GRHL2: variants seen among roughly 807,000 people sequenced by gnomAD.
GRHL2 encodes grainyhead like transcription factor 2.
Under a neutral mutation model 83.8 loss-of-function variants are expected in GRHL2, and 21 were observed. The ratio of observed to expected loss-of-function variants is 0.25; its 90% confidence interval spans 0.18 to 0.36. The LOEUF (loss-of-function observed/expected upper bound fraction) is 0.36. Ranked by LOEUF, GRHL2 falls within the 10% of genes least tolerant of loss-of-function variation. The pLI is 1.00. For synonymous variants in GRHL2, 280 were observed against 278.9 expected, an observed-to-expected ratio of 1.00 and a Z score of -0.04; for missense variants, 623 against 781.8, an observed-to-expected ratio of 0.80 and a Z score of 2.42.
intron 9 of GRHL2, among the ~76,000 whole-genome samples, chr8:101,627,281 G>C (rs907348463): frequency 4.6e-5 from 7 of 152,132 alleles, no homozygotes; most frequent in African/African-American, 1.7e-4. Context: ...ATGTGTTCTT[G>C]TCTCCGTGTC....
intron 1 of GRHL2, among the ~76,000 whole-genome samples, chr8:101,506,030 A>T (rs1460135008): frequency 6.6e-6 from 1 of 152,242 alleles, no homozygotes; most frequent in Non-Finnish European, 1.5e-5. Flanking sequence ...TTGTCATTGT[A>T]GCAAATAGTT....
rs1013500538 is a variant in GRHL2 at position 101,511,053 on chromosome 8, A to T, written c.20+18264A>T. ...GAGGTGGAGGTTGCAGTGAGTGGAG[A>T]TCGTGCCACTGCACTCCGGCCTGGG... On this transcript the variant is annotated intron_variant, in intron 1 of 15. Transcript: ENST00000646743. 2.0e-5 allele frequency among the ~76,000 whole-genome samples: 3 copies of T among 152,106 alleles called. No individual in the cohort carries two copies. In the South Asian group the frequency reaches 6.2e-4, roughly 32 times the overall value.
chr8:101,636,948 C>A lies in GRHL2; in HGVS notation c.1517+20C>A, dbSNP rs1347016646. 1.2e-6 allele frequency: 2 copies of A among 1,609,424 alleles called. No homozygotes were observed. The highest frequency in any genetic ancestry group is 1.1e-5 in the South Asian group (1 of 91,016). On this transcript the variant is annotated intron_variant, in intron 12 of 15. Coordinates refer to ENST00000646743, the MANE Select transcript of GRHL2 (RefSeq NM_024915.4). The stretch of plus-strand genomic sequence containing the variant: ...AGAAGGGTAAGACACTCAGTTCTTT[C>A]ATTTCAACACTCCAAGTCAGCTCAT...
chr8:101,613,800 C>T (rs1002597018), intron 8 of GRHL2, among the ~76,000 whole-genome samples: 1 of 150,842 alleles, frequency 6.6e-6, no homozygotes, highest in Non-Finnish European at 1.5e-5. Flanking sequence ...TTATGTATAC[C>T]TTGTACCTGT....
chr8:101,644,060 G>A (rs1813458123), intron 12 of GRHL2, 71 bp from the exon 13 acceptor site: 3 of 1,289,296 alleles, frequency 2.3e-6, no homozygotes, highest in African/African-American at 1.5e-5. Flanking sequence ...AGACAGAAAC[G>A]GACACACATG....
At chr8:101,589,852 T>C (rs1241792699) in intron 7 of GRHL2, among the ~76,000 whole-genome samples, 3 of 152,170 alleles carry the variant, frequency 2.0e-5, no homozygotes, top group African/African-American at 7.2e-5. Context: ...GGATTATGTA[T>C]GGAAAGGTGC....
At position 101,586,065 on chromosome 8, in the gene GRHL2, C is replaced by CTTTTTTTTTTTTTTTTTT. The variant is rs67985027; in HGVS notation, c.1003+8554_1003+8571dup. ...TCTTCTTTCCTTCCACCTCATGTTT[C>CTTTTTTTTTTTTTTTTTT]TTTTTTTTTTTTTTTTTTTTTTTTT... On this transcript the variant is annotated intron_variant, in intron 7 of 15. Coordinates refer to ENST00000646743, the MANE Select transcript of GRHL2 (RefSeq NM_024915.4). Among the ~76,000 whole-genome samples, 89 of 94,290 alleles carry CTTTTTTTTTTTTTTTTTT rather than the reference C, an allele frequency of 9.4e-4. 6 individuals are homozygous for CTTTTTTTTTTTTTTTTTT. Among genetic ancestry groups the CTTTTTTTTTTTTTTTTTT allele is most frequent in the African/African-American group, 1.1e-3 (26 of 23,282 alleles). The allele number at this position is 94,290 out of a possible 152,430, so 61.9% of individuals were successfully genotyped here.
the GRHL2 span, among the ~76,000 whole-genome samples, chr8:101,674,821 C>A: frequency 6.6e-6 from 1 of 152,052 alleles, no homozygotes; most frequent in African/African-American, 2.4e-5. Flanking sequence ...AAAATACTGG[C>A]AAAACGAATC....
rs34176940 is a variant in GRHL2, at chr8:101,559,353, CAAAAAAAAAAAAAAA to C, written c.678+554_678+568del. 9.6e-4 allele frequency among the ~76,000 whole-genome samples: 85 copies of C among 88,944 alleles called. 2 individuals carry two copies. Among genetic ancestry groups the C allele is most frequent in the African/African-American group, 2.9e-3 (71 of 24,204 alleles). 58.4% of individuals were successfully genotyped at this position (88,944 alleles called of 152,430 possible). A position where few individuals can be genotyped will look rare whatever the true frequency, so the allele number is the denominator to read the frequency against. ...TGAACTCCTGTCTCTACTAAAAATA[CAAAAAAAAAAAAAAA>C]AAAAAAAAAAAATTAGCCAGGCCTG... On this transcript the variant is annotated intron_variant, in intron 4 of 15. Transcript: ENST00000646743.
At chr8:101,598,862 AG>A (rs1456168622) in intron 7 of GRHL2, among the ~76,000 whole-genome samples, 194 bp from the exon 8 acceptor site, 2 of 152,326 alleles carry the variant, frequency 1.3e-5, no homozygotes, top group East Asian at 3.9e-4. Context: ...CTTTTAATAG[AG>A]GAACACGCTT....
At chr8:101,554,937 A>G (rs1418535793) in intron 3 of GRHL2, among the ~76,000 whole-genome samples, 1 of 152,232 alleles carries the variant, frequency 6.6e-6, no homozygotes, top group Admixed American at 6.5e-5. Context: ...ACAGAGGCAT[A>G]GTTACACATT....
chr8:101,548,436 A>G (rs777793893), intron 2 of GRHL2, among the ~76,000 whole-genome samples: 29 of 152,352 alleles, frequency 1.9e-4, no homozygotes, highest in East Asian at 5.8e-4. Context: ...TTCCAGAGGA[A>G]GCAATGCCTA....
At chr8:101,574,621 T>G (rs1033655960) in intron 6 of GRHL2, among the ~76,000 whole-genome samples, 3 of 152,190 alleles carry the variant, frequency 2.0e-5, no homozygotes, top group African/African-American at 7.2e-5. Context: ...GCACATGGTG[T>G]GCCTACAGCG....
chr8:101,565,730 C>G (rs575531047), intron 4 of GRHL2, among the ~76,000 whole-genome samples: 17 of 152,288 alleles, frequency 1.1e-4, no homozygotes, highest in Non-Finnish European at 2.1e-4. Context: ...AACATAACTG[C>G]AAGAGGGCCG....
intron 1 of GRHL2, among the ~76,000 whole-genome samples, chr8:101,530,128 C>A (rs1810893569): frequency 6.6e-6 from 1 of 152,148 alleles, no homozygotes; most frequent in South Asian, 2.1e-4. Context: ...TTGAGTTTTC[C>A]AAGCTCAGAG....
chr8:101,665,261 G>T (rs901658723), intron 15 of GRHL2, among the ~76,000 whole-genome samples: 1 of 152,168 alleles, frequency 6.6e-6, no homozygotes, highest in Non-Finnish European at 1.5e-5. Context: ...GGCTTCCTAT[G>T]TGTGACGGTC....
intron 1 of GRHL2, among the ~76,000 whole-genome samples, chr8:101,500,114 A>G (rs1810193618): frequency 2.0e-5 from 3 of 152,018 alleles, no homozygotes; most frequent in South Asian, 4.2e-4. Flanking sequence ...AAATAAAAAC[A>G]AACAAACAAA....
At chr8:101,681,100 G>A in the GRHL2 span, among the ~76,000 whole-genome samples, 3 of 147,346 alleles carry the variant, frequency 2.0e-5, no homozygotes, top group Admixed American at 1.4e-4. Context: ...AGGAAATAGA[G>A]ACACAAAAAA....
At chr8:101,497,272 C>T (rs1810127065) in intron 1 of GRHL2, among the ~76,000 whole-genome samples, 1 of 152,166 alleles carries the variant, frequency 6.6e-6, no homozygotes, top group Non-Finnish European at 1.5e-5. Flanking sequence ...TGTAGTGTAA[C>T]CTACTACCTT....
Sources: allele counts gnomAD v4.1 joint callset (sites outside exome capture counted in the v4.1 genomes callset), GRCh38; gene constraint gnomAD v4.1.1; transcripts MANE v1.5; gene names NCBI Gene and HGNC (gene_info 2026-07-23, HGNC 2026-07-21).